Variants in NUP210L observed in about 807,000 individuals in gnomAD.
NUP210L encodes the protein nuclear pore membrane glycoprotein 210-like.
NUP210L carries 74 observed loss-of-function variants against 208.5 expected under a neutral mutation model. The observed-to-expected ratio is 0.35, with a 90% CI of 0.29 to 0.43. NUP210L has a LOEUF of 0.43. Ranked by LOEUF, NUP210L falls within the 20% of genes least tolerant of loss-of-function variation. The probability of loss-of-function intolerance (pLI) is 1.00; values close to 1 mark genes in which losing one functional copy is unlikely to be tolerated. For missense variants in NUP210L, 1,843 were observed against 2,289.4 expected (o/e 0.81, Z 3.98); for synonymous variants, 780 against 816.9 (o/e 0.95, Z 0.77).
chr1:154,017,304 G>C (rs1030519559), intron 33 of NUP210L, among the ~76,000 whole-genome samples: 2 of 151,238 alleles, frequency 1.3e-5, no homozygotes, highest in Admixed American at 6.6e-5. Flanking sequence ...AAAAGGGGGG[G>C]GCTCAGGTCA....
chr1:154,128,704 C>A (rs2148121093), intron 8 of NUP210L, among the ~76,000 whole-genome samples: 1 of 152,040 alleles, frequency 6.6e-6, no homozygotes. Context: ...CAAAAATTAG[C>A]CAGGCATGGT....
At chr1:154,018,965 C>G (rs771062232) in exon 33 of NUP210L, 1 of 1,614,120 alleles carries the variant, frequency 6.2e-7, no homozygotes, top group Non-Finnish European at 8.5e-7. Context: ...CCTGGGATGT[C>G]ATGAAAAATC....
intron 2 of NUP210L, among the ~76,000 whole-genome samples, chr1:154,152,337 A>G (rs979978044): frequency 2.4e-4 from 36 of 151,108 alleles, no homozygotes; most frequent in African/African-American, 8.5e-4. Context: ...ACGCCCGGCT[A>G]ATTTTTTTGT....
intron 32 of NUP210L, among the ~76,000 whole-genome samples, chr1:154,021,029 A>G (rs1651528547): frequency 6.8e-6 from 1 of 147,760 alleles, no homozygotes; most frequent in Admixed American, 6.8e-5. Context: ...GCAACCTCCA[A>G]CTCCCAGGTT....
intron 12 of NUP210L, among the ~76,000 whole-genome samples, chr1:154,108,653 GA>G (rs758457792): frequency 4.0e-5 from 6 of 151,768 alleles, no homozygotes; most frequent in Non-Finnish European, 8.8e-5. Flanking sequence ...CAAAAAGGAA[GA>G]AGGCAGGAAG....
At chr1:154,049,112 CTGGCCATCTGTG>C (rs1557939748) in intron 25 of NUP210L, among the ~76,000 whole-genome samples, 1 of 152,206 alleles carries the variant, frequency 6.6e-6, no homozygotes, top group Non-Finnish European at 1.5e-5. Flanking sequence ...CTCTACAGCA[CTGGCCATCTGTG>C]TGGCCAATTC....
chr1:154,057,037 G>A, intron 22 of NUP210L, 90 bp from the exon 23 acceptor site: 1 of 1,308,898 alleles, frequency 7.6e-7, no homozygotes, highest in Non-Finnish European at 1.1e-6. Context: ...GGAGTGCAGT[G>A]GCATGATCTC....
At chr1:154,126,119 C>T (rs898425441) in intron 10 of NUP210L, among the ~76,000 whole-genome samples, 5 of 151,932 alleles carry the variant, frequency 3.3e-5, no homozygotes, top group African/African-American at 1.2e-4. Context: ...TACACAATGA[C>T]CGCAAATGCA....
chr1:154,150,783 T>C (rs1659345222), intron 2 of NUP210L, among the ~76,000 whole-genome samples: 1 of 151,956 alleles, frequency 6.6e-6, no homozygotes, highest in South Asian at 2.1e-4. Flanking sequence ...TACATCTTTT[T>C]ACCTTTATAT....
At chr1:154,057,028 G>A (rs1157610575) in intron 22 of NUP210L, 81 bp from the exon 23 acceptor site, 2 of 1,388,452 alleles carry the variant, frequency 1.4e-6, no homozygotes, top group African/African-American at 1.4e-5. Flanking sequence ...GCCCAGGCTG[G>A]AGTGCAGTGG....
chr1:153,996,404 T>C (rs1649869224), intron 37 of NUP210L, among the ~76,000 whole-genome samples: 1 of 152,212 alleles, frequency 6.6e-6, no homozygotes, highest in African/African-American at 2.4e-5. Flanking sequence ...CCATTTATAA[T>C]TGTAATCTCT....
At chr1:154,132,300 A>G (rs1458529096) in intron 7 of NUP210L, among the ~76,000 whole-genome samples, 1 of 152,134 alleles carries the variant, frequency 6.6e-6, no homozygotes, top group East Asian at 1.9e-4. Flanking sequence ...CTAACTTTCA[A>G]ATATCTATCT....
intron 14 of NUP210L, among the ~76,000 whole-genome samples, chr1:154,097,350 T>C (rs1024724262): frequency 9.9e-5 from 15 of 152,170 alleles, no homozygotes; most frequent in Admixed American, 3.3e-4. Context: ...GTGACTAACA[T>C]ACTAGGTAGA....
intron 33 of NUP210L, among the ~76,000 whole-genome samples, chr1:154,014,820 A>G (rs1215217981): frequency 6.6e-6 from 1 of 152,100 alleles, no homozygotes; most frequent in Non-Finnish European, 1.5e-5. Context: ...CCTGGCCAAC[A>G]TGGCAAAACC....
Position 154,050,293 on chromosome 1 carries a change from T to G in NUP210L, c.3484-3924A>C, listed in dbSNP as rs139124403. Among the ~76,000 whole-genome samples, 484 of 152,318 alleles carry G rather than the reference T, an allele frequency of 3.2e-3. 5 individuals carry two copies. Among genetic ancestry groups the G allele is most frequent in the African/African-American group, 0.011 (452 of 41,570 alleles). ...TGCTCTAGGCATTCCTACCTTGCCATGAGTAATCTATTTTCTATCCTTAGA... is the reference window on the plus strand; with the variant it reads ...TGCTCTAGGCATTCCTACCTTGCCAGGAGTAATCTATTTTCTATCCTTAGA... On this transcript the variant is annotated intron_variant, in intron 25 of 39. Coordinates refer to ENST00000368559, the Ensembl canonical transcript of NUP210L.
At chr1:154,039,888 TTTC>T (rs1571202523) in intron 27 of NUP210L, 1 of 152,306 alleles carries the variant, frequency 6.6e-6, no homozygotes, top group East Asian at 1.9e-4. Context: ...TTGAATAAAC[TTTC>T]TACCCTGATT....
intron 4 of NUP210L, 120 bp from the exon 5 acceptor site, chr1:154,140,072 T>C (rs1369962584): frequency 3.8e-6 from 3 of 779,264 alleles, no homozygotes; most frequent in Admixed American, 2.5e-5. Flanking sequence ...CACTTTTGAC[T>C]GGGCATGGTA....
At chr1:154,118,581 G>A in intron 11 of NUP210L, 90 bp downstream of exon 11, 1 of 964,428 alleles carries the variant, frequency 1.0e-6, no homozygotes, top group Non-Finnish European at 1.4e-6. Flanking sequence ...GGATTGGGAG[G>A]AAATAAATGT....
At chr1:154,120,206 C>A (rs1327354840) in intron 10 of NUP210L, among the ~76,000 whole-genome samples, 3 of 152,112 alleles carry the variant, frequency 2.0e-5, no homozygotes, top group Non-Finnish European at 2.9e-5. Context: ...TGAGAAGTGT[C>A]TGTTCACATC....
Sources: allele counts gnomAD v4.1 joint callset (sites outside exome capture counted in the v4.1 genomes callset), GRCh38; gene constraint gnomAD v4.1.1; transcripts MANE v1.5; gene names NCBI Gene and HGNC (gene_info 2026-07-23, HGNC 2026-07-21).